Variants in TGFB2 observed in about 807,000 individuals in gnomAD.
TGFB2 encodes the protein transforming growth factor beta-2 proprotein.
In TGFB2, 13 loss-of-function variants were observed where a neutral mutation model predicts 42.7. That is an observed-to-expected ratio of 0.30 (90% CI 0.20 to 0.48). The LOEUF is 0.48. Among genes scored for constraint, TGFB2 ranks in the 20% least tolerant of loss-of-function variants. The pLI, the probability that TGFB2 is intolerant of heterozygous loss-of-function variation, is 0.99. For synonymous variants in TGFB2, 193 were observed against 193.6 expected (o/e 1.00, Z 0.03); for missense variants, 390 against 517.5 (o/e 0.75, Z 2.39).
At chr1:218,437,610 T>A (rs1660014416) in intron 6 of TGFB2, 114 bp downstream of exon 6, 1 of 1,145,758 alleles carries the variant, frequency 8.7e-7, no homozygotes, top group East Asian at 2.8e-5. Context: ...CACACATGTA[T>A]GGGTACTGGA....
At chr1:218,364,477 AT>A (rs1172022325) in intron 1 of TGFB2, among the ~76,000 whole-genome samples, 3 of 152,252 alleles carry the variant, frequency 2.0e-5, no homozygotes, top group Non-Finnish European at 4.4e-5. Context: ...GGCTAAAGTT[AT>A]CCCTGAACCA....
intron 1 of TGFB2, among the ~76,000 whole-genome samples, chr1:218,382,486 C>G (rs1425493451): frequency 2.6e-5 from 4 of 152,222 alleles, no homozygotes; most frequent in Admixed American, 1.3e-4. Flanking sequence ...ACCACTGATT[C>G]ATCCAGGCGC....
chr1:218,435,931 T>C, intron 4 of TGFB2, 39 bp from the exon 5 acceptor site: 2 of 1,561,578 alleles, frequency 1.3e-6, no homozygotes, highest in Non-Finnish European at 1.7e-6. Context: ...TTGATGAAGG[T>C]GAAGCTAAAT....
chr1:218,380,766 C>G (rs907877181), intron 1 of TGFB2, among the ~76,000 whole-genome samples: 1 of 152,026 alleles, frequency 6.6e-6, no homozygotes, highest in Non-Finnish European at 1.5e-5. Flanking sequence ...AGAGGAATCC[C>G]TGAATGAGTA....
At chr1:218,427,669 C>CT (rs1482294032) in intron 2 of TGFB2, among the ~76,000 whole-genome samples, 1 of 152,076 alleles carries the variant, frequency 6.6e-6, no homozygotes, top group Non-Finnish European at 1.5e-5. Flanking sequence ...TGAACTCATC[C>CT]TTTTTTTGAC....
At chr1:218,428,968 G>A (rs1418593890) in intron 2 of TGFB2, among the ~76,000 whole-genome samples, 2 of 142,706 alleles carry the variant, frequency 1.4e-5, no homozygotes, top group Non-Finnish European at 3.0e-5. Flanking sequence ...CTATCCATGA[G>A]CATCTTTTTT....
chr1:218,382,434 G>C (rs1426373988), intron 1 of TGFB2, among the ~76,000 whole-genome samples: 1 of 152,178 alleles, frequency 6.6e-6, no homozygotes, highest in Non-Finnish European at 1.5e-5. Flanking sequence ...CACCCCAGTG[G>C]AGTAATAGGT....
At chr1:218,415,639 G>A (rs1433586816) in intron 2 of TGFB2, among the ~76,000 whole-genome samples, 2 of 141,812 alleles carry the variant, frequency 1.4e-5, no homozygotes, top group African/African-American at 5.4e-5. Flanking sequence ...AATTTGCAGT[G>A]AGCCCAGACT....
At chr1:218,384,601 C>T (rs751781055) in intron 1 of TGFB2, among the ~76,000 whole-genome samples, 8 of 152,162 alleles carry the variant, frequency 5.3e-5, no homozygotes, top group African/African-American at 9.7e-5. Flanking sequence ...GAGGCTTAAA[C>T]GAGATAATCC....
chr1:218,379,416 G>C (rs1248263663), intron 1 of TGFB2, among the ~76,000 whole-genome samples: 1 of 151,238 alleles, frequency 6.6e-6, no homozygotes, highest in Non-Finnish European at 1.5e-5. Flanking sequence ...TTACAGGCGT[G>C]AGCCACCGTG....
At chr1:218,427,272 A>G (rs535401751) in intron 2 of TGFB2, among the ~76,000 whole-genome samples, 6 of 152,080 alleles carry the variant, frequency 3.9e-5, no homozygotes, top group Non-Finnish European at 5.9e-5. Flanking sequence ...AATACCTTCT[A>G]ATTACCTTCT....
intron 2 of TGFB2, among the ~76,000 whole-genome samples, chr1:218,415,694 C>CAAAAAAAAAAAAAA (rs779476856): frequency 2.5e-5 from 1 of 40,132 alleles, no homozygotes; most frequent in Non-Finnish European, 4.6e-5. Context: ...GACTCTGTCT[C>CAAAAAAAAAAAAAA]AAAAGAAAAA....
intron 1 of TGFB2, among the ~76,000 whole-genome samples, chr1:218,349,734 G>A (rs1025603443): frequency 2.6e-5 from 4 of 152,166 alleles, no homozygotes; most frequent in Non-Finnish European, 5.9e-5. Flanking sequence ...AGATTTAAAA[G>A]TAAAAATATA....
chr1:218,397,266 T>TAA (rs1246321855), intron 1 of TGFB2, among the ~76,000 whole-genome samples: 11,384 of 97,504 alleles, frequency 0.12, 603 homozygotes, highest in East Asian at 0.19. Context: ...AGACTCCATC[T>TAA]AAAAAAAAAA....
intron 2 of TGFB2, among the ~76,000 whole-genome samples, chr1:218,409,478 C>T (rs571917478): frequency 1.1e-4 from 17 of 152,178 alleles, no homozygotes; most frequent in African/African-American, 3.6e-4. Flanking sequence ...CTTTTGTCTC[C>T]GGCTGCCATT....
chr1:218,380,561 A>C (rs1360500196), intron 1 of TGFB2, among the ~76,000 whole-genome samples: 1 of 152,180 alleles, frequency 6.6e-6, no homozygotes, highest in African/African-American at 2.4e-5. Context: ...AGCCAAATGT[A>C]GTTTGGCCCT....
Position 218,428,622 on chromosome 1 carries a change from G to C in TGFB2, c.511-5460G>C, listed in dbSNP as rs189458912. On this transcript the variant is annotated intron_variant, in intron 2 of 6. Transcript: ENST00000366930. ...TTTCTCCATTTCTTGTTTTTGTCAG[G>C]TTTGTCAAAGATCAGATGGTCGTAG... Among the ~76,000 whole-genome samples, 353 of 152,198 alleles carry C rather than the reference G, an allele frequency of 2.3e-3. 15 individuals are homozygous for C. Among genetic ancestry groups the C allele is most frequent in the Admixed American group, 0.021 (327 of 15,290 alleles).
At chr1:218,397,031 G>T (rs1158800268) in intron 1 of TGFB2, among the ~76,000 whole-genome samples, 1 of 152,154 alleles carries the variant, frequency 6.6e-6, no homozygotes, top group African/African-American at 2.4e-5. Flanking sequence ...ACTTTGGGAG[G>T]CGGAGGCAGT....
At position 218,436,060 on chromosome 1, in the gene TGFB2, T is replaced by G; in HGVS notation, c.845T>G (p.Leu282Arg). Residue 282 changes from leucine (L) to arginine (R), a missense_variant, in exon 5 of 7, where the codon CTG (leucine) becomes CGG (arginine). Transcript: ENST00000366930. ...KKNSGKTPHL[L>R]LMLLPSYRLE... The stretch of plus-strand genomic sequence containing the variant: ...AACAGTGGGAAGACCCCACATCTCC[T>G]GCTAATGTTATTGCCCTCCTACAGA... 1 of 1,614,170 alleles carries G rather than the reference T, an allele frequency of 6.2e-7. No individual in the cohort carries two copies. The highest frequency in any genetic ancestry group is 8.5e-7 in the Non-Finnish European group (1 of 1,179,984).
Sources: allele counts gnomAD v4.1 joint callset (sites outside exome capture counted in the v4.1 genomes callset), GRCh38; gene constraint gnomAD v4.1.1; transcripts MANE v1.5; gene names NCBI Gene and HGNC (gene_info 2026-07-23, HGNC 2026-07-21).